The following NLGN1 variants were observed in gnomAD, a reference collection of about 807,000 sequenced individuals.
NLGN1 encodes neuroligin 1.
In NLGN1, 12 loss-of-function variants were observed where a neutral mutation model predicts 65.5. The observed-to-expected ratio is 0.18, with a 90% CI of 0.12 to 0.30. The LOEUF is 0.30. Among genes scored for constraint, NLGN1 ranks in the 10% least tolerant of loss-of-function variants. The pLI, the probability that NLGN1 is intolerant of heterozygous loss-of-function variation, is 1.00. For synonymous variants in NLGN1, 350 were observed against 359.5 expected (o/e 0.97, Z 0.30); for missense variants, 750 against 1,007.1 (o/e 0.74, Z 3.46).
intron 4 of NLGN1, among the ~76,000 whole-genome samples, chr3:174,169,927 G>A (rs60161034): frequency 0.15 from 23,516 of 152,054 alleles, 3,567 homozygotes; most frequent in African/African-American, 0.4. Context: ...CTTGGGAGAG[G>A]CAAAGTCCTG....
chr3:173,460,527 A>G (rs909584239), intron 2 of NLGN1, among the ~76,000 whole-genome samples: 2 of 152,146 alleles, frequency 1.3e-5, no homozygotes, highest in African/African-American at 4.8e-5. Context: ...ACTGTCACAG[A>G]GCTCAAGAAC....
intron 3 of NLGN1, among the ~76,000 whole-genome samples, chr3:173,754,857 TA>T (rs1489987821): frequency 6.6e-6 from 1 of 152,140 alleles, no homozygotes; most frequent in African/African-American, 2.4e-5. Flanking sequence ...TACCACTTTT[TA>T]TGTCAACACT....
intron 3 of NLGN1, among the ~76,000 whole-genome samples, chr3:173,754,024 C>CTTTTTTTTTTTTTTTTTTTTTTTT (rs71162358): frequency 4.1e-5 from 5 of 121,618 alleles, no homozygotes; most frequent in Non-Finnish European, 8.4e-5. Context: ...TCTTTCTTTT[C>CTTTTTTTTTTTTTTTTTTTTTTTT]TTTTTTTTTT....
At chr3:173,790,408 C>G (rs1712435803) in intron 3 of NLGN1, among the ~76,000 whole-genome samples, 1 of 152,082 alleles carries the variant, frequency 6.6e-6, no homozygotes, top group South Asian at 2.1e-4. Context: ...TCTTTCTCAA[C>G]CACCCACAAT....
intron 4 of NLGN1, among the ~76,000 whole-genome samples, chr3:174,007,490 C>T (rs1347551001): frequency 6.6e-6 from 1 of 152,176 alleles, no homozygotes. Flanking sequence ...TCTTTCCTGA[C>T]TGTGACTTCC....
At chr3:173,895,490 C>G (rs910296209) in intron 4 of NLGN1, among the ~76,000 whole-genome samples, 1 of 152,088 alleles carries the variant, frequency 6.6e-6, no homozygotes, top group Non-Finnish European at 1.5e-5. Context: ...CACCATATAA[C>G]AGGGTACTCA....
At chr3:174,190,468 T>A (rs1732179285) in intron 4 of NLGN1, among the ~76,000 whole-genome samples, 1 of 152,022 alleles carries the variant, frequency 6.6e-6, no homozygotes, top group African/African-American at 2.4e-5. Context: ...TTTTTAAATA[T>A]TTTTAAAATT....
chr3:174,000,941 C>T (rs1024520144), intron 4 of NLGN1, among the ~76,000 whole-genome samples: 4 of 152,030 alleles, frequency 2.6e-5, no homozygotes, highest in Admixed American at 6.6e-5. Flanking sequence ...CAGGTTATCC[C>T]GGGAGCCCAG....
chr3:173,899,702 C>T (rs771721462), intron 4 of NLGN1, among the ~76,000 whole-genome samples: 25 of 152,060 alleles, frequency 1.6e-4, no homozygotes, highest in Non-Finnish European at 2.9e-5. Context: ...ATCTATGCTG[C>T]CTTCAGGCCA....
At chr3:174,191,004 T>C (rs932475322) in intron 4 of NLGN1, among the ~76,000 whole-genome samples, 2 of 151,356 alleles carry the variant, frequency 1.3e-5, no homozygotes, top group African/African-American at 2.4e-5. Flanking sequence ...AGTGTGTGCG[T>C]GTGTGTGTGT....
intron 4 of NLGN1, among the ~76,000 whole-genome samples, chr3:173,927,529 T>G (rs1043134090): frequency 3.3e-5 from 5 of 152,194 alleles, no homozygotes; most frequent in Non-Finnish European, 7.3e-5. Context: ...TCTTCCTGGC[T>G]ACTATACACT....
intron 2 of NLGN1, among the ~76,000 whole-genome samples, chr3:173,562,186 T>G (rs28637757): frequency 0.55 from 84,173 of 151,922 alleles, 23,497 homozygotes; most frequent in East Asian, 0.75. Context: ...GAGAGTAGCT[T>G]GAGCTAATCC....
chr3:173,923,551 G>T (rs1742457045), intron 4 of NLGN1, among the ~76,000 whole-genome samples: 1 of 152,056 alleles, frequency 6.6e-6, no homozygotes, highest in East Asian at 1.9e-4. Flanking sequence ...TGCTGGTGTG[G>T]GTTAAACATC....
At chr3:173,968,448 A>G (rs909490764) in intron 4 of NLGN1, among the ~76,000 whole-genome samples, 1 of 152,064 alleles carries the variant, frequency 6.6e-6, no homozygotes, top group Admixed American at 6.6e-5. Flanking sequence ...CCCTCAACCA[A>G]TTATAGTCCT....
chr3:174,230,771 G>C lies in NLGN1; in HGVS notation c.647-44544G>C, dbSNP rs542892898. On this transcript the variant is annotated intron_variant, in intron 4 of 6. Transcript: ENST00000457714. ...AACATAGCAAGATCCTTCTTTTTAT[G>C]GATAAATATTTAAAAAAAATAGAGA... Among the ~76,000 whole-genome samples the C allele has an allele frequency of 1.5e-3, 222 of 151,660 alleles. 2 individuals carry two copies. Among genetic ancestry groups the C allele is most frequent in the African/African-American group, 4.9e-3 (204 of 41,310 alleles).
intron 3 of NLGN1, among the ~76,000 whole-genome samples, chr3:173,718,217 C>T (rs1489895492): frequency 6.6e-6 from 1 of 152,060 alleles, no homozygotes; most frequent in Non-Finnish European, 1.5e-5. Context: ...TATAATGACT[C>T]TATTGTGTTA....
chr3:174,196,296 T>C (rs1486036549), intron 4 of NLGN1, among the ~76,000 whole-genome samples: 1 of 150,736 alleles, frequency 6.6e-6, no homozygotes, highest in Non-Finnish European at 1.5e-5. Context: ...AAGATAATTC[T>C]GTACATCTAT....
intron 4 of NLGN1, among the ~76,000 whole-genome samples, chr3:174,007,003 G>C (rs1220571357): frequency 6.6e-6 from 1 of 152,170 alleles, no homozygotes; most frequent in African/African-American, 2.4e-5. Context: ...AAGTGGGAGA[G>C]ATTGCAGTGA....
intron 4 of NLGN1, among the ~76,000 whole-genome samples, chr3:174,269,763 A>G (rs1350445920): frequency 6.6e-6 from 1 of 151,956 alleles, no homozygotes; most frequent in East Asian, 1.9e-4. Context: ...AGGAATCTCC[A>G]AACTATTTTT....
Sources: gnomAD v4.1 joint callset for allele counts (sites outside exome capture counted in the v4.1 genomes callset) on GRCh38, gnomAD v4.1.1 for gene constraint, MANE v1.5 for transcripts, NCBI Gene and HGNC (gene_info 2026-07-23, HGNC 2026-07-21) for gene names.